Variants in KCNH5 observed in about 807,000 individuals in gnomAD.
KCNH5 encodes the protein voltage-gated delayed rectifier potassium channel KCNH5.
In KCNH5, 46 loss-of-function variants were observed where a neutral mutation model predicts 96.1. The observed-to-expected ratio is 0.48, with a 90% confidence interval of 0.38 to 0.61. KCNH5 has a LOEUF of 0.61. Ranked by LOEUF, KCNH5 falls within the 20% of genes least tolerant of loss-of-function variation. The probability of loss-of-function intolerance (pLI) is 0.00; values close to 1 mark genes in which losing one functional copy is unlikely to be tolerated. For missense variants in KCNH5, 907 were observed against 1,225.8 expected (o/e 0.74, Z 3.88); for synonymous variants, 439 against 449.8 (o/e 0.98, Z 0.30).
At position 62,802,432 on chromosome 14, in the gene KCNH5, G is replaced by T. The variant is rs374752391; in HGVS notation, c.1719C>A (p.Pro573=). The T allele has an allele frequency of 6.2e-7, 1 of 1,614,096 alleles. No individual in the cohort carries two copies. Among genetic ancestry groups the T allele is most frequent in the South Asian group, 1.1e-5 (1 of 91,078 alleles). ...AVEFQTIHCA[P]GDLIYHAGES... ...CTCCAGCATGGTAAATGAGGTCCCCGGGAGCACAGTGAATGGTTTGGAACT... is the reference window on the plus strand; with the variant it reads ...CTCCAGCATGGTAAATGAGGTCCCCTGGAGCACAGTGAATGGTTTGGAACT... Residue 573 remains proline (P), a synonymous_variant, in exon 9 of 11, where the codon CCC becomes CCA. Coordinates refer to ENST00000322893, the MANE Select transcript of KCNH5 (RefSeq NM_139318.5).
At chr14:63,007,196 T>A (rs945031024) in intron 2 of KCNH5, among the ~76,000 whole-genome samples, 18 of 152,048 alleles carry the variant, frequency 1.2e-4, no homozygotes, top group African/African-American at 4.3e-4. Context: ...ACAAAAAGGA[T>A]GAAGGTTTCC....
intron 8 of KCNH5, among the ~76,000 whole-genome samples, chr14:62,826,408 A>ATGTG (rs71451280): frequency 0.22 from 30,695 of 141,752 alleles, 3,374 homozygotes; most frequent in African/African-American, 0.24. Flanking sequence ...GCGTGCGTGC[A>ATGTG]TGTGTGTGTG....
intron 8 of KCNH5, among the ~76,000 whole-genome samples, chr14:62,845,749 G>T (rs1887678695): frequency 6.6e-6 from 1 of 152,178 alleles, no homozygotes; most frequent in African/African-American, 2.4e-5. Flanking sequence ...GGAAAAAAAT[G>T]TGTGTAAAAC....
intron 8 of KCNH5, among the ~76,000 whole-genome samples, chr14:62,839,336 T>A (rs1367919541): frequency 6.6e-5 from 10 of 152,280 alleles, no homozygotes; most frequent in African/African-American, 2.4e-4. Context: ...TAACACTTAT[T>A]CATAATAAAT....
At chr14:62,758,019 C>G (rs1242233531) in intron 10 of KCNH5, among the ~76,000 whole-genome samples, 1 of 151,944 alleles carries the variant, frequency 6.6e-6, no homozygotes, top group Non-Finnish European at 1.5e-5. Context: ...GTGGCATGCA[C>G]CTGTAATCCC....
intron 10 of KCNH5, among the ~76,000 whole-genome samples, chr14:62,730,995 C>T (rs1885036490): frequency 6.6e-6 from 1 of 152,010 alleles, no homozygotes; most frequent in Non-Finnish European, 1.5e-5. Flanking sequence ...TTATAATTGG[C>T]TACTTTAAAA....
chr14:62,867,506 A>G (rs1338566605), intron 7 of KCNH5, among the ~76,000 whole-genome samples: 1 of 152,176 alleles, frequency 6.6e-6, no homozygotes, highest in Non-Finnish European at 1.5e-5. Context: ...AACTACATCC[A>G]CAGCTACCAT....
intron 10 of KCNH5, among the ~76,000 whole-genome samples, chr14:62,763,973 C>G (rs1031396649): frequency 2.0e-5 from 3 of 151,804 alleles, no homozygotes; most frequent in Non-Finnish European, 2.9e-5. Context: ...AAGCTGGTAC[C>G]AATACTATTC....
intron 10 of KCNH5, among the ~76,000 whole-genome samples, chr14:62,738,600 A>C (rs1389670520): frequency 6.6e-6 from 1 of 152,174 alleles, no homozygotes; most frequent in Non-Finnish European, 1.5e-5. Context: ...CCAAGTAAGG[A>C]TTCCATGGAT....
chr14:62,969,126 A>T (rs1173072189), intron 6 of KCNH5, among the ~76,000 whole-genome samples: 1 of 152,214 alleles, frequency 6.6e-6, no homozygotes, highest in Non-Finnish European at 1.5e-5. Context: ...AAAATACCCA[A>T]ACACTTGGAG....
At chr14:62,964,256 G>A (rs780098345) in intron 6 of KCNH5, among the ~76,000 whole-genome samples, 7 of 152,054 alleles carry the variant, frequency 4.6e-5, no homozygotes, top group Non-Finnish European at 8.8e-5. Context: ...GCTATGTGCT[G>A]AAAAATATCC....
chr14:62,773,806 G>A (rs893542005), intron 10 of KCNH5, among the ~76,000 whole-genome samples: 1 of 152,176 alleles, frequency 6.6e-6, no homozygotes, highest in African/African-American at 2.4e-5. Flanking sequence ...TCGCTTGACT[G>A]CCTTATGGAC....
At chr14:62,850,533 G>C (rs1887783233) in intron 7 of KCNH5, among the ~76,000 whole-genome samples, 1 of 152,016 alleles carries the variant, frequency 6.6e-6, no homozygotes, top group African/African-American at 2.4e-5. Flanking sequence ...TAAATGTAAA[G>C]TTAGCCCACT....
chr14:62,843,613 T>C (rs1887630752), intron 8 of KCNH5, among the ~76,000 whole-genome samples: 1 of 151,996 alleles, frequency 6.6e-6, no homozygotes. Flanking sequence ...GATTTCACCA[T>C]GTTGGCCAGG....
At chr14:62,909,210 TA>T (rs1245076467) in intron 7 of KCNH5, among the ~76,000 whole-genome samples, 11 of 149,958 alleles carry the variant, frequency 7.3e-5, no homozygotes, top group African/African-American at 2.0e-4. Flanking sequence ...TACGCCCGGC[TA>T]ATTTTTTGTA....
intron 8 of KCNH5, among the ~76,000 whole-genome samples, chr14:62,841,219 G>T (rs1317796031): frequency 1.3e-5 from 2 of 151,896 alleles, no homozygotes; most frequent in Non-Finnish European, 2.9e-5. Flanking sequence ...AGAAATCAAA[G>T]AAATTGAAAC....
chr14:62,937,007 A>T (rs1889697078), intron 7 of KCNH5, among the ~76,000 whole-genome samples: 1 of 150,626 alleles, frequency 6.6e-6, no homozygotes, highest in East Asian at 1.9e-4. Context: ...AAAAAGATGA[A>T]GAAAGAGGAG....
intron 4 of KCNH5, among the ~76,000 whole-genome samples, chr14:62,999,792 AGAATGGC>A (rs1890977882): frequency 6.6e-6 from 1 of 150,878 alleles, no homozygotes; most frequent in Admixed American, 6.6e-5. Flanking sequence ...GCAGCACACC[AGAATGGC>A]ACATGTATAC....
At chr14:62,810,012 G>T (rs1172881720) in intron 8 of KCNH5, among the ~76,000 whole-genome samples, 1 of 152,018 alleles carries the variant, frequency 6.6e-6, no homozygotes, top group Non-Finnish European at 1.5e-5. Flanking sequence ...CAGTTGCCTA[G>T]TTCATGAAAA....
Sources: gnomAD v4.1 joint callset for allele counts (sites outside exome capture counted in the v4.1 genomes callset) on GRCh38, gnomAD v4.1.1 for gene constraint, MANE v1.5 for transcripts, NCBI Gene and HGNC (gene_info 2026-07-23, HGNC 2026-07-21) for gene names.